The following SYNPO2 variants were observed in gnomAD, a reference collection of about 807,000 sequenced individuals.
SYNPO2 encodes the protein synaptopodin 2, also known as synaptopodin-2.
Under a neutral mutation model 85.0 loss-of-function variants are expected in SYNPO2, and 56 were observed. The observed-to-expected ratio is 0.66, with a 90% CI of 0.53 to 0.82. SYNPO2 has a LOEUF of 0.82. Ranked by LOEUF, SYNPO2 falls within the 40% of genes least tolerant of loss-of-function variation. The pLI, the probability that SYNPO2 is intolerant of heterozygous loss-of-function variation, is 0.00. For missense variants in SYNPO2, 1,575 were observed against 1,534.2 expected (o/e 1.03, Z -0.44); for synonymous variants, 602 against 591.1 (o/e 1.02, Z -0.27).
At chr4:118,957,807 A>G (rs974088145) in intron 1 of SYNPO2, among the ~76,000 whole-genome samples, 3 of 152,180 alleles carry the variant, frequency 2.0e-5, no homozygotes, top group African/African-American at 7.2e-5. Flanking sequence ...TATTACTCCT[A>G]TCTCGCAGAT....
intron 1 of SYNPO2, among the ~76,000 whole-genome samples, chr4:118,881,163 G>T (rs1332145533): frequency 6.6e-6 from 1 of 151,828 alleles, no homozygotes; most frequent in East Asian, 1.9e-4. Flanking sequence ...TTAGCCGGGT[G>T]TAGTGGCGGG....
At chr4:119,019,379 T>A (rs1181637043) in intron 1 of SYNPO2, among the ~76,000 whole-genome samples, 1 of 152,162 alleles carries the variant, frequency 6.6e-6, no homozygotes. Flanking sequence ...ATATATTATA[T>A]GTAGAATGAG....
intron 1 of SYNPO2, among the ~76,000 whole-genome samples, chr4:118,928,013 G>T (rs909846057): frequency 3.9e-5 from 6 of 152,252 alleles, no homozygotes; most frequent in African/African-American, 1.4e-4. Flanking sequence ...GGAGGAGGTT[G>T]TCTGCAGGGT....
chr4:119,032,301 C>T lies in SYNPO2; in HGVS notation c.3252+274C>T, dbSNP rs536421483. The T allele has an allele frequency of 1.2e-4, 165 of 1,350,472 alleles. No individual in the cohort carries two copies. In the African/African-American group the frequency reaches 2.1e-3, roughly 17 times the overall value. The allele number at this position is 1,350,472 out of a possible 1,614,324, so 83.7% of individuals were successfully genotyped here. A position where few individuals can be genotyped will look rare whatever the true frequency, so the allele number is the denominator to read the frequency against. On this transcript the variant is annotated intron_variant, in intron 4 of 4. Transcript: ENST00000307142. ...GGAGCACCCCAAAATAGACATGTAC[C>T]GTTATATTAAGTAAGCAGGAGACTT...
At chr4:118,916,494 A>G (rs1245846623) in intron 1 of SYNPO2, among the ~76,000 whole-genome samples, 7 of 151,850 alleles carry the variant, frequency 4.6e-5, no homozygotes, top group Non-Finnish European at 1.0e-4. Context: ...TTTATAGTTA[A>G]TGGTTTCAGG....
chr4:118,913,563 T>TTGTGTGTG (rs10686830), intron 1 of SYNPO2, among the ~76,000 whole-genome samples: 51 of 147,384 alleles, frequency 3.5e-4, no homozygotes, highest in Non-Finnish European at 5.3e-4. Context: ...CATTTATTGT[T>TTGTGTGTG]TGTGTGTGTG....
chr4:119,058,602 G>A lies in SYNPO2; in HGVS notation c.*668G>A, dbSNP rs61538423. 9,875 of 151,104 alleles carry A rather than the reference G, an allele frequency of 0.065. 840 individuals are homozygous for A. The highest frequency in any genetic ancestry group is 0.19 in the African/African-American group (7,863 of 41,096). 9.4% of individuals were successfully genotyped at this position (151,104 alleles called of 1,614,324 possible). ...CAATTCTCCTGCCTCAGCCTCCTGA[G>A]TAGCTGGGATTACAGGCATGAACCA... On this transcript the variant is annotated 3_prime_UTR_variant, in exon 5 of 5. Coordinates refer to ENST00000307142, the MANE Select transcript of SYNPO2 (RefSeq NM_133477.3).
At position 119,026,884 on chromosome 4, in the gene SYNPO2, A is replaced by G; in HGVS notation, c.515A>G (p.Asp172Gly). 7 of 1,614,012 alleles carry G rather than the reference A, an allele frequency of 4.3e-6. No homozygotes were observed. The highest frequency in any genetic ancestry group is 5.9e-6 in the Non-Finnish European group (7 of 1,180,002). ...PSYQRAPQMPDSQRGRVAEEL... is the reference protein window; with the variant it reads ...PSYQRAPQMPGSQRGRVAEEL... The stretch of plus-strand genomic sequence containing the variant: ...TACCAAAGGGCTCCCCAAATGCCTG[A>G]CTCCCAAAGAGGACGCGTGGCAGAA... Residue 172 changes from aspartate (D) to glycine (G), a missense_variant, in exon 3 of 5, where the codon GAC becomes GGC. Transcript: ENST00000307142.
At chr4:119,012,057 G>C (rs957084334) in intron 1 of SYNPO2, among the ~76,000 whole-genome samples, 3 of 151,560 alleles carry the variant, frequency 2.0e-5, no homozygotes, top group Non-Finnish European at 4.4e-5. Context: ...TGAGTAGCTA[G>C]GATTACAGGT....
intron 1 of SYNPO2, among the ~76,000 whole-genome samples, chr4:118,982,995 G>A (rs536833442): frequency 3.9e-4 from 60 of 152,242 alleles, no homozygotes; most frequent in African/African-American, 1.4e-3. Flanking sequence ...TGGAACGTCA[G>A]TGACTCTTGA....
In SYNPO2 at chr4:119,057,656, C is replaced by G; in HGVS notation, c.3508C>G (p.Pro1170Ala). ...TTCAGCAGCTCGGAGGAAGGTGCTT[C>G]CAGGGCCTCCAGAGGATTGGAATGA... ...VVSAARRKVLPGPPEDWNERL... is the reference protein window; with the variant it reads ...VVSAARRKVLAGPPEDWNERL... The change falls in exon 5 of 5, where the codon CCA becomes GCA. Residue 1170 changes from proline to alanine, a missense_variant. By Grantham distance (27) the Pro-to-Ala change is conservative. Around this residue, in one of 3 missense-constraint regions of SYNPO2, gnomAD observed 1,508 missense variants for 1,446.8 expected, o/e 1.04. Transcript: ENST00000307142. 1 of 1,614,130 alleles carries G rather than the reference C, an allele frequency of 6.2e-7. No individual in the cohort carries two copies.
At chr4:118,952,942 TTA>T (rs1337546601) in intron 1 of SYNPO2, among the ~76,000 whole-genome samples, 2 of 152,116 alleles carry the variant, frequency 1.3e-5, no homozygotes, top group Non-Finnish European at 2.9e-5. Flanking sequence ...TTTTAAAAAA[TTA>T]TACAGAATCA....
chr4:118,863,899 G>A (rs1731660227), intron 1 of SYNPO2, among the ~76,000 whole-genome samples: 3 of 152,138 alleles, frequency 2.0e-5, no homozygotes, highest in Admixed American at 2.0e-4. Context: ...GAGCCACTGT[G>A]CCCATCTTTG....
chr4:118,973,870 C>A (rs185438382), intron 1 of SYNPO2, among the ~76,000 whole-genome samples: 5 of 152,270 alleles, frequency 3.3e-5, no homozygotes, highest in Admixed American at 2.6e-4. Context: ...CTAAACAAAC[C>A]CCACTGAAAT....
intron 1 of SYNPO2, among the ~76,000 whole-genome samples, chr4:118,961,099 G>T (rs1440703838): frequency 1.1e-5 from 1 of 94,616 alleles, no homozygotes; most frequent in Non-Finnish European, 2.0e-5. Flanking sequence ...CTATTTTACC[G>T]CCCCCCCCCC....
In SYNPO2 at chr4:118,888,995, T is replaced by TCGCTTG; in HGVS notation, c.-42_-41insCGCTTG. Reference sequence around the variant, plus strand: ...TCCTCTACCGCACCCAAGCTTCGTCTGTCTCGTCAAGCTCTTCATGCTGCC... The same window carrying TCGCTTG: ...TCCTCTACCGCACCCAAGCTTCGTCTCGCTTGGTCTCGTCAAGCTCTTCATGCTGCC... On this transcript the variant is annotated 5_prime_UTR_variant, in exon 1 of 5. Transcript: ENST00000307142. 1 of 1,602,714 alleles carries TCGCTTG rather than the reference T, an allele frequency of 6.2e-7. No individual in the cohort carries two copies. Among genetic ancestry groups the TCGCTTG allele is most frequent in the Non-Finnish European group, 8.5e-7 (1 of 1,170,644 alleles).
At chr4:119,008,492 A>G (rs1737166090) in intron 1 of SYNPO2, among the ~76,000 whole-genome samples, 1 of 151,940 alleles carries the variant, frequency 6.6e-6, no homozygotes, top group African/African-American at 2.4e-5. Context: ...TAGCAAATAT[A>G]AGTGAGATTA....
chr4:118,933,192 T>C (rs1013659335), intron 1 of SYNPO2, among the ~76,000 whole-genome samples: 12 of 152,198 alleles, frequency 7.9e-5, no homozygotes, highest in African/African-American at 2.9e-4. Context: ...TTATTATAGG[T>C]TTCCGAAGTT....
At chr4:119,032,929 T>TGGC in intron 4 of SYNPO2, 3 of 905,304 alleles carry the variant, frequency 3.3e-6, no homozygotes, top group Non-Finnish European at 4.0e-6. Flanking sequence ...AAAGGTTGAT[T>TGGC]CCCACCCTCC....
Sources: allele counts gnomAD v4.1 joint callset (sites outside exome capture counted in the v4.1 genomes callset), GRCh38; gene constraint gnomAD v4.1.1; regional missense constraint gnomAD v4.1.1; transcripts MANE v1.5; gene names NCBI Gene and HGNC (gene_info 2026-07-23, HGNC 2026-07-21).